KCNN3: variants seen among roughly 807,000 people sequenced by gnomAD.
The protein encoded by KCNN3 is potassium calcium-activated channel subfamily N member 3.
A neutral mutation model predicts 62.9 loss-of-function variants in KCNN3; 16 were observed. The observed-to-expected ratio is 0.25, with a 90% confidence interval of 0.17 to 0.39. KCNN3 has a LOEUF of 0.39. Ranked by LOEUF, KCNN3 falls within the 10% of genes least tolerant of loss-of-function variation. KCNN3 has a pLI of 1.00. For missense variants in KCNN3, 599 were observed against 949.4 expected (o/e 0.63, Z 4.85); for synonymous variants, 370 against 389.2 (o/e 0.95, Z 0.58).
chr1:154,781,857 A>T (rs1427961534), intron 2 of KCNN3, among the ~76,000 whole-genome samples: 1 of 152,220 alleles, frequency 6.6e-6, no homozygotes, highest in African/African-American at 2.4e-5. Context: ...CAGGGGAGGA[A>T]AACAGATATT....
rs1273493486 is a variant in KCNN3 at position 154,706,323 on chromosome 1, C to A, written c.*1653G>T. 2 of 152,170 alleles carry A rather than the reference C, an allele frequency of 1.3e-5. No individual in the cohort carries two copies. The highest frequency in any genetic ancestry group is 4.8e-5 in the African/African-American group (2 of 41,436). The allele number at this position is 152,170 out of a possible 1,614,324, so 9.4% of individuals were successfully genotyped here. ...GATGATGTCTTCTTACAAAGGTAAA[C>A]CCAAGATGACAACCACAAGCAAAAA... On this transcript the variant is annotated 3_prime_UTR_variant, in exon 8 of 8. Transcript: ENST00000271915.
intron 2 of KCNN3, among the ~76,000 whole-genome samples, chr1:154,798,642 G>A (rs1391188080): frequency 6.6e-6 from 1 of 152,110 alleles, no homozygotes; most frequent in Non-Finnish European, 1.5e-5. Flanking sequence ...AGGGTAATGG[G>A]GACCACAGTG....
intron 1 of KCNN3, among the ~76,000 whole-genome samples, chr1:154,829,304 C>T (rs1447635835): frequency 2.0e-5 from 3 of 152,194 alleles, no homozygotes; most frequent in East Asian, 3.8e-4. Context: ...CCTTTGCGCT[C>T]GAGTGACCAG....
At chr1:154,856,935 G>C (rs1652556226) in intron 1 of KCNN3, among the ~76,000 whole-genome samples, 1 of 152,184 alleles carries the variant, frequency 6.6e-6, no homozygotes, top group South Asian at 2.1e-4. Context: ...CAGGAAATGG[G>C]GGGAAGGGGA....
At position 154,770,506 on chromosome 1, in the gene KCNN3, G is replaced by A. The variant is rs538633861; in HGVS notation, c.1448+1469C>T. Among the ~76,000 whole-genome samples, 224 of 152,274 alleles carry A rather than the reference G, an allele frequency of 1.5e-3. 2 individuals carry two copies. Among genetic ancestry groups the A allele is most frequent in the Non-Finnish European group, 2.5e-3 (169 of 68,016 alleles). ...GCATGGAAGATTTGGCAATATAATC[G>A]TAAGTGTTGACAAATTAAGGGCGAC... On this transcript the variant is annotated intron_variant, in intron 3 of 7. Coordinates refer to ENST00000271915, the MANE Select transcript of KCNN3 (RefSeq NM_002249.6).
At chr1:154,861,679 C>T (rs1261097501) in intron 1 of KCNN3, among the ~76,000 whole-genome samples, 1 of 152,198 alleles carries the variant, frequency 6.6e-6, no homozygotes, top group African/African-American at 2.4e-5. Context: ...TTCCTCAGTC[C>T]TCCCAAGCAC....
chr1:154,852,397 T>C (rs1307300429), intron 1 of KCNN3, among the ~76,000 whole-genome samples: 2 of 149,306 alleles, frequency 1.3e-5, no homozygotes, highest in African/African-American at 4.9e-5. Flanking sequence ...TTTAGAGAGA[T>C]AGAGTCTCAC....
At chr1:154,815,164 G>C (rs922502548) in intron 2 of KCNN3, among the ~76,000 whole-genome samples, 1 of 152,092 alleles carries the variant, frequency 6.6e-6, no homozygotes, top group Non-Finnish European at 1.5e-5. Context: ...TCAAGATCTC[G>C]GAGGTTCAAT....
rs1650296493 is a variant in KCNN3 at position 154,809,033 on chromosome 1, T to A, written c.1029+13056A>T. On this transcript the variant is annotated intron_variant, in intron 2 of 7. Coordinates refer to ENST00000271915, the MANE Select transcript of KCNN3 (RefSeq NM_002249.6). This position sits in a 1 kb window ranked among gnomAD's most constrained non-coding sequence, Gnocchi z 4.3. ...GCCGTGTCTGGTTACTGATCTCTGG[T>A]TTGTGGCTGTGCCTGATGTAGTCAC... is the stretch of plus-strand genomic sequence containing the variant. 6.6e-6 allele frequency among the ~76,000 whole-genome samples: 1 copy of A among 152,044 alleles called. No individual in the cohort carries two copies. The highest frequency in any genetic ancestry group is 2.1e-4 in the South Asian group (1 of 4,826).
chr1:154,816,482 G>A (rs1051847397), intron 2 of KCNN3, among the ~76,000 whole-genome samples: 3 of 152,206 alleles, frequency 2.0e-5, no homozygotes, highest in Admixed American at 1.3e-4. Flanking sequence ...CTACGTGCCC[G>A]GCATTGGCCT....
chr1:154,748,037 G>A (rs1249608077), intron 3 of KCNN3, among the ~76,000 whole-genome samples: 2 of 152,174 alleles, frequency 1.3e-5, no homozygotes, highest in Admixed American at 1.3e-4. Context: ...TCCACCCCCA[G>A]CACCAGCCTC....
At chr1:154,727,087 G>A (rs886143665) in intron 4 of KCNN3, among the ~76,000 whole-genome samples, 4 of 152,188 alleles carry the variant, frequency 2.6e-5, no homozygotes, top group African/African-American at 7.2e-5. Flanking sequence ...CTGGCTCTTC[G>A]GCAGGCAGCG....
chr1:154,750,504 C>T (rs1202275994), intron 3 of KCNN3, among the ~76,000 whole-genome samples: 1 of 152,170 alleles, frequency 6.6e-6, no homozygotes, highest in Non-Finnish European at 1.5e-5. Context: ...GGGAATAGAG[C>T]AAAACCCCCT....
At chr1:154,736,967 G>T in intron 3 of KCNN3, 2 of 698,132 alleles carry the variant, frequency 2.9e-6, no homozygotes, top group South Asian at 3.0e-5. Context: ...GGAAGATGCT[G>T]AGATGAATTG....
intron 1 of KCNN3, among the ~76,000 whole-genome samples, chr1:154,853,901 G>A (rs146746629): frequency 0.056 from 8,574 of 151,846 alleles, 808 homozygotes; most frequent in African/African-American, 0.19. Context: ...CCGAGATCAC[G>A]CCACTGCACT....
intron 1 of KCNN3, among the ~76,000 whole-genome samples, chr1:154,828,292 G>A (rs1397289034): frequency 1.1e-4 from 17 of 151,674 alleles, no homozygotes; most frequent in African/African-American, 3.4e-4. Flanking sequence ...CCAAGGCGCC[G>A]AGCACACATG....
At chr1:154,735,558 G>A (rs1227834588) in intron 3 of KCNN3, among the ~76,000 whole-genome samples, 4 of 152,244 alleles carry the variant, frequency 2.6e-5, no homozygotes, top group Non-Finnish European at 4.4e-5. Flanking sequence ...CATTTCCCTG[G>A]GCTGGGCCTG....
intron 1 of KCNN3, among the ~76,000 whole-genome samples, chr1:154,841,038 G>A (rs535200706): frequency 1.1e-4 from 17 of 152,258 alleles, no homozygotes; most frequent in African/African-American, 2.4e-4. Flanking sequence ...GTCAGGCCCC[G>A]ACCTAATCAG....
At chr1:154,739,202 T>C (rs1448706689) in intron 3 of KCNN3, among the ~76,000 whole-genome samples, 1 of 152,170 alleles carries the variant, frequency 6.6e-6, no homozygotes, top group Admixed American at 6.5e-5. Flanking sequence ...ACGGAAGGAT[T>C]GACTCTACAG....
Sources: allele counts gnomAD v4.1 joint callset (sites outside exome capture counted in the v4.1 genomes callset), GRCh38; gene constraint gnomAD v4.1.1; non-coding constraint Gnocchi (gnomAD v3.1); transcripts MANE v1.5; gene names NCBI Gene and HGNC (gene_info 2026-07-23, HGNC 2026-07-21).